Variants in TTC3 observed in about 807,000 individuals in gnomAD.
The protein encoded by TTC3 is E3 ubiquitin-protein ligase TTC3.
A neutral mutation model predicts 249.6 loss-of-function variants in TTC3; 180 were observed. The ratio of observed to expected loss-of-function variants is 0.72; its 90% CI spans 0.64 to 0.82. The LOEUF is 0.82. Among genes scored for constraint, TTC3 ranks in the 40% least tolerant of loss-of-function variants. The pLI, the probability that TTC3 is intolerant of heterozygous loss-of-function variation, is 0.00. For missense variants in TTC3, 2,061 were observed against 2,398.4 expected, an observed-to-expected ratio of 0.86 and a Z score of 2.94; for synonymous variants, 717 against 805.0, an observed-to-expected ratio of 0.89 and a Z score of 1.85.
intron 40 of TTC3, 66 bp downstream of exon 40, chr21:37,191,490 G>T (rs2084091814): frequency 1.0e-6 from 1 of 973,654 alleles, no homozygotes; most frequent in Admixed American, 3.3e-5. Context: ...CGGGAGGCTG[G>T]TGTCATATTG....
exon 22 of TTC3, chr21:37,147,526 C>T: frequency 6.2e-7 from 1 of 1,609,980 alleles, no homozygotes; most frequent in South Asian, 1.1e-5. Context: ...CCCTCCAGTG[C>T]CAGATGCCAT....
chr21:37,089,453 T>G (rs996139736), intron 5 of TTC3, among the ~76,000 whole-genome samples: 7 of 152,202 alleles, frequency 4.6e-5, no homozygotes, highest in African/African-American at 1.7e-4. Flanking sequence ...CTGCAGTAGT[T>G]ATTTGCAGTA....
intron 1 of TTC3, among the ~76,000 whole-genome samples, chr21:37,079,505 G>C (rs368653073): frequency 8.7e-6 from 1 of 114,592 alleles, no homozygotes; most frequent in East Asian, 2.8e-4. Flanking sequence ...CTTTCATCAA[G>C]TTTATGGTAT....
At chr21:37,201,098 G>A (rs1406757257) in intron 45 of TTC3, among the ~76,000 whole-genome samples, 4 of 152,232 alleles carry the variant, frequency 2.6e-5, no homozygotes, top group African/African-American at 9.6e-5. Flanking sequence ...CTAAGAATGA[G>A]TGATTGGGTC....
rs751679275 is a variant in TTC3 at position 37,188,613 on chromosome 21, G to C, written c.5024+18G>C. On this transcript the variant is annotated intron_variant, in intron 39 of 45. Coordinates refer to ENST00000355666, the Ensembl canonical transcript of TTC3. ...ATTAGCCGGTATTGCAGTTTCGTGG[G>C]TGTTCTCAGCACGTCATTTAGAAGA... 6.2e-7 allele frequency: 1 copy of C among 1,601,316 alleles called. No individual in the cohort carries two copies. The highest frequency in any genetic ancestry group is 8.6e-7 in the Non-Finnish European group (1 of 1,168,618).
chr21:37,168,740 C>A, intron 34 of TTC3, among the ~76,000 whole-genome samples: 1 of 6,506 alleles, frequency 1.5e-4, no homozygotes, highest in East Asian at 4.4e-3. Flanking sequence ...AAGCTAGTGG[C>A]TTAAAACAGT....
chr21:37,103,594 G>A (rs1375718745), intron 10 of TTC3, among the ~76,000 whole-genome samples: 1 of 152,078 alleles, frequency 6.6e-6, no homozygotes, highest in Non-Finnish European at 1.5e-5. Context: ...TATACTAATT[G>A]TGATATTTAT....
At chr21:37,159,791 A>T in intron 29 of TTC3, 46 bp downstream of exon 29, 1 of 1,585,034 alleles carries the variant, frequency 6.3e-7, no homozygotes, top group Non-Finnish European at 8.7e-7. Flanking sequence ...ATCTGATGTT[A>T]AACCAAGGAT....
chr21:37,185,085 A>T (rs2083112102), intron 36 of TTC3, among the ~76,000 whole-genome samples: 1 of 152,316 alleles, frequency 6.6e-6, no homozygotes, highest in Admixed American at 6.5e-5. Flanking sequence ...AAAAGAAGTA[A>T]AATAATAGTT....
At chr21:37,080,025 T>C (rs2071417783) in intron 1 of TTC3, among the ~76,000 whole-genome samples, 1 of 152,102 alleles carries the variant, frequency 6.6e-6, no homozygotes. Context: ...TTCATTGATC[T>C]TTTTTCTCTT....
At chr21:37,167,718 C>T (rs1486302781) in intron 34 of TTC3, 98 bp downstream of exon 34, 2 of 844,014 alleles carry the variant, frequency 2.4e-6, no homozygotes, top group Admixed American at 3.0e-5. Context: ...CAGCTTATTC[C>T]ACACAAAGTT....
rs549046084 is a variant in TTC3, at chr21:37,097,398, C to T, written c.845+755C>T. Among the ~76,000 whole-genome samples the T allele has an allele frequency of 1.5e-3, 224 of 152,214 alleles. 2 individuals carry two copies. The highest frequency in any genetic ancestry group is 4.9e-3 in the African/African-American group (205 of 41,532). On this transcript the variant is annotated intron_variant, in intron 10 of 45. Coordinates refer to ENST00000355666, the Ensembl canonical transcript of TTC3. ...GTGTAGGGTGAATTCAAGAATACATCCACACAGTAGAAGAATATTCAAAAT... is the reference window on the plus strand; with the variant it reads ...GTGTAGGGTGAATTCAAGAATACATTCACACAGTAGAAGAATATTCAAAAT...
chr21:37,091,146 G>A (rs1041579262), intron 6 of TTC3, 147 bp from the exon 7 acceptor site: 3 of 736,332 alleles, frequency 4.1e-6, no homozygotes, highest in Non-Finnish European at 6.7e-6. Context: ...TCTACTCTAA[G>A]TTACATGCCA....
At position 37,076,582 on chromosome 21, in the gene TTC3, C is replaced by T. The variant is rs572464434; in HGVS notation, c.-12+3218C>T. ...GCCTCCTGCTAGTGCTACTTTCTTA[C>T]CTTGTGTTTCTAACATTGCACTTTA... is the stretch of plus-strand genomic sequence containing the variant. On this transcript the variant is annotated intron_variant, in intron 1 of 45. Coordinates refer to ENST00000355666, the Ensembl canonical transcript of TTC3. Among the ~76,000 whole-genome samples, 6 of 152,082 alleles carry T rather than the reference C, an allele frequency of 3.9e-5. No homozygotes were observed. The South Asian group carries it at 1.2e-3, about 32-fold the overall frequency.
intron 39 of TTC3, among the ~76,000 whole-genome samples, chr21:37,189,311 TC>T (rs1230569416): frequency 6.6e-6 from 1 of 152,176 alleles, no homozygotes; most frequent in African/African-American, 2.4e-5. Flanking sequence ...AGTGGCCTGA[TC>T]TTGGCTCACT....
At chr21:37,188,263 A>T (rs576216073) in intron 38 of TTC3, 1 of 412,920 alleles carries the variant, frequency 2.4e-6, no homozygotes, top group African/African-American at 2.0e-5. Context: ...ACAGTTATTC[A>T]TATCTGCAAA....
intron 20 of TTC3, 138 bp downstream of exon 20, chr21:37,140,811 C>G (rs1264842929): frequency 1.8e-6 from 1 of 546,570 alleles, no homozygotes; most frequent in Non-Finnish European, 3.0e-6. Context: ...CTTTGAGGAC[C>G]TGAAATTTCA....
At chr21:37,076,432 A>G (rs900552875) in intron 1 of TTC3, among the ~76,000 whole-genome samples, 1 of 152,228 alleles carries the variant, frequency 6.6e-6, no homozygotes, top group Non-Finnish European at 1.5e-5. Flanking sequence ...ACACTGGGGT[A>G]TATGAGCCCC....
intron 9 of TTC3, among the ~76,000 whole-genome samples, 153 bp from the exon 10 acceptor site, chr21:37,096,428 C>T (rs188982941): frequency 4.5e-4 from 68 of 152,298 alleles, no homozygotes; most frequent in African/African-American, 1.6e-3. Flanking sequence ...ACGGGGACTT[C>T]GCCAGTTAAG....
Sources: gnomAD v4.1 joint callset for allele counts (sites outside exome capture counted in the v4.1 genomes callset) on GRCh38, gnomAD v4.1.1 for gene constraint, MANE v1.5 for transcripts, NCBI Gene and HGNC (gene_info 2026-07-23, HGNC 2026-07-21) for gene names.